The following BACE2 variants were observed in gnomAD, a reference collection of about 807,000 sequenced individuals.
BACE2 encodes 56 kDa aspartic-like protease.
BACE2 carries 17 observed loss-of-function variants against 46.2 expected under a neutral mutation model. The ratio of observed to expected loss-of-function variants is 0.37; its 90% CI spans 0.25 to 0.55. The LOEUF is 0.55. Ranked by LOEUF, BACE2 falls within the 20% of genes least tolerant of loss-of-function variation. The pLI, the probability that BACE2 is intolerant of heterozygous loss-of-function variation, is 0.82. For missense variants in BACE2, 595 were observed against 698.1 expected (o/e 0.85, Z 1.66); for synonymous variants, 277 against 295.9 (o/e 0.94, Z 0.66).
intron 1 of BACE2, among the ~76,000 whole-genome samples, chr21:41,216,465 C>T (rs1183844972): frequency 1.3e-5 from 2 of 152,214 alleles, no homozygotes; most frequent in Non-Finnish European, 2.9e-5. Context: ...GTGCTGAATG[C>T]CTGGGCAATG....
At chr21:41,269,865 A>G (rs1458287669) in intron 8 of BACE2, among the ~76,000 whole-genome samples, 1 of 152,246 alleles carries the variant, frequency 6.6e-6, no homozygotes, top group Non-Finnish European at 1.5e-5. Flanking sequence ...ACCTAGGAGT[A>G]GAATCGTTGA....
chr21:41,256,937 G>A lies in BACE2; in HGVS notation c.1135-221G>A, dbSNP rs1394742760. ...GTGCACCTGTGTGTAACTCCAGGTG[G>A]TGCATGTGGGTCACCTGTGCTGTCA... On this transcript the variant is annotated intron_variant, in intron 7 of 8. Coordinates refer to ENST00000330333, the MANE Select transcript of BACE2 (RefSeq NM_012105.5). Among the ~76,000 whole-genome samples, 4 of 152,260 alleles carry A rather than the reference G, an allele frequency of 2.6e-5. No individual in the cohort carries two copies. The East Asian group carries it at 7.7e-4, about 29-fold the overall frequency.
At position 41,226,392 on chromosome 21, in the gene BACE2, G is replaced by A. The variant is rs1457541595; in HGVS notation, c.401+38G>A. On this transcript the variant is annotated intron_variant, in intron 2 of 8. Coordinates refer to ENST00000330333, the MANE Select transcript of BACE2 (RefSeq NM_012105.5). ...CCCTTGGCTGGTGTGCTGGGCCGGGGCACTGCATGATCAACATGCTTCAAA... is the reference window on the plus strand; with the variant it reads ...CCCTTGGCTGGTGTGCTGGGCCGGGACACTGCATGATCAACATGCTTCAAA... 2.6e-6 allele frequency: 4 copies of A among 1,557,890 alleles called. No homozygotes were observed. In the Admixed American group the frequency reaches 5.5e-5, roughly 21 times the overall value.
At chr21:41,253,042 C>T (rs1987684263) in intron 7 of BACE2, among the ~76,000 whole-genome samples, 1 of 152,222 alleles carries the variant, frequency 6.6e-6, no homozygotes, top group African/African-American at 2.4e-5. Context: ...AACAATAATA[C>T]CTACCAAAGA....
chr21:41,170,306 A>G (rs1348816694), intron 1 of BACE2, among the ~76,000 whole-genome samples: 1 of 152,200 alleles, frequency 6.6e-6, no homozygotes. Context: ...TAATTTAATT[A>G]ACAGAAATGT....
intron 1 of BACE2, among the ~76,000 whole-genome samples, chr21:41,199,372 G>A (rs902111668): frequency 2.0e-5 from 3 of 152,060 alleles, no homozygotes; most frequent in African/African-American, 7.2e-5. Flanking sequence ...TGGCGAGGAG[G>A]AAGAACTGAG....
rs535086227 is a variant in BACE2, at chr21:41,218,880, T to TGTG, written c.313-7386_313-7385insGTG. Among the ~76,000 whole-genome samples the TGTG allele has an allele frequency of 4.6e-3, 697 of 151,982 alleles. 7 individuals carry two copies. The highest frequency in any genetic ancestry group is 0.016 in the African/African-American group (664 of 41,394). On this transcript the variant is annotated intron_variant, in intron 1 of 8. Transcript: ENST00000330333. ...TCCAAACATCTTGACTTTTTTTTTT[T>TGTG]TGTGACAGAGTCTCGCTCTGTCACC... is the stretch of plus-strand genomic sequence containing the variant.
At chr21:41,227,898 C>T (rs1279406789) in intron 2 of BACE2, among the ~76,000 whole-genome samples, 1 of 152,122 alleles carries the variant, frequency 6.6e-6, no homozygotes, top group Non-Finnish European at 1.5e-5. Context: ...TCATCCAAGT[C>T]CTCAGTCCCC....
At chr21:41,168,828 C>T (rs1984479787) in intron 1 of BACE2, among the ~76,000 whole-genome samples, 3 of 152,108 alleles carry the variant, frequency 2.0e-5, no homozygotes, top group Non-Finnish European at 4.4e-5. Flanking sequence ...TGAGCTCCCC[C>T]TCCGCGGGGC....
At chr21:41,265,515 G>C (rs1376903174) in intron 8 of BACE2, among the ~76,000 whole-genome samples, 1 of 152,086 alleles carries the variant, frequency 6.6e-6, no homozygotes, top group Admixed American at 6.6e-5. Flanking sequence ...GGTGAAAAAT[G>C]ATGATCTCGG....
intron 2 of BACE2, among the ~76,000 whole-genome samples, chr21:41,227,416 C>T (rs567484978): frequency 2.6e-5 from 4 of 152,200 alleles, no homozygotes; most frequent in Admixed American, 6.5e-5. Context: ...TAGTTGGGGA[C>T]AAAAGGAGGG....
rs928449723 is a variant in BACE2, at chr21:41,251,037, T to C, written c.1134+136T>C. On this transcript the variant is annotated intron_variant, in intron 7 of 8. Coordinates refer to ENST00000330333, the MANE Select transcript of BACE2 (RefSeq NM_012105.5). Reference sequence around the variant, plus strand: ...TAATGCTGCAAAAGACAGCCACACATATTACTGCTCCTGAGTCCAGGCAGG... The same window carrying C: ...TAATGCTGCAAAAGACAGCCACACACATTACTGCTCCTGAGTCCAGGCAGG... 4.0e-5 allele frequency: 37 copies of C among 932,324 alleles called. No individual in the cohort carries two copies. The Admixed American group carries it at 7.3e-4, about 18-fold the overall frequency. 57.8% of individuals were successfully genotyped at this position (932,324 alleles called of 1,614,324 possible). A position where few individuals can be genotyped will look rare whatever the true frequency, so the allele number is the denominator to read the frequency against.
rs375029715 is a variant in BACE2 at position 41,266,153 on chromosome 21, CTTCT to C, written c.1303+8833_1303+8836del. 2.8e-4 allele frequency among the ~76,000 whole-genome samples: 43 copies of C among 152,110 alleles called. 2 individuals carry two copies. In the East Asian group the frequency reaches 6.8e-3, roughly 24 times the overall value. ...TATTCTTTTTTCAGAATTTCCAACT[CTTCT>C]TTCTTAATTTTTCTTTTCTTTTATG... On this transcript the variant is annotated intron_variant, in intron 8 of 8. Coordinates refer to ENST00000330333, the MANE Select transcript of BACE2 (RefSeq NM_012105.5).
chr21:41,213,034 T>A (rs1986347419), intron 1 of BACE2, among the ~76,000 whole-genome samples: 1 of 152,222 alleles, frequency 6.6e-6, no homozygotes, highest in African/African-American at 2.4e-5. Context: ...TTTGTTGACC[T>A]AATTGGCATT....
At chr21:41,248,474 C>T (rs73902974) in intron 6 of BACE2, among the ~76,000 whole-genome samples, 254 of 152,304 alleles carry the variant, frequency 1.7e-3, no homozygotes, top group African/African-American at 5.7e-3. Context: ...CCCCGTGTCC[C>T]GCTGCAGACC....
chr21:41,257,253 GGTGAT>G lies in BACE2; in HGVS notation c.1232_1236del (p.Val411GlyfsTer31). The stretch of plus-strand genomic sequence containing the variant: ...CAAATGCGCTGGTGATCGGTGCCAC[GGTGAT>G]GGAGGGCTTCTACGTCATCTTCGAC... On this transcript the variant is annotated frameshift_variant, in exon 8 of 9. Coordinates refer to ENST00000330333, the MANE Select transcript of BACE2 (RefSeq NM_012105.5). LOFTEE classifies it high-confidence loss of function. 6.2e-7 allele frequency: 1 copy of G among 1,614,200 alleles called. No homozygotes were observed. The highest frequency in any genetic ancestry group is 8.5e-7 in the Non-Finnish European group (1 of 1,180,036).
At chr21:41,182,372 T>C (rs1039044344) in intron 1 of BACE2, 1 of 167,080 alleles carries the variant, frequency 6.0e-6, no homozygotes, top group African/African-American at 2.4e-5. Flanking sequence ...TTGTAATTGA[T>C]TCTTGGGGTA....
chr21:41,209,849 A>G (rs901107518), intron 1 of BACE2, among the ~76,000 whole-genome samples: 2 of 152,188 alleles, frequency 1.3e-5, no homozygotes, highest in African/African-American at 4.8e-5. Context: ...TGTGAATGTT[A>G]TGAAAGGACA....
chr21:41,209,223 G>A (rs376797272), intron 1 of BACE2, among the ~76,000 whole-genome samples: 36 of 152,296 alleles, frequency 2.4e-4, no homozygotes, highest in African/African-American at 7.9e-4. Flanking sequence ...AGGTGCCTGC[G>A]CCTTCTGGGG....
Sources: gnomAD v4.1 joint callset for allele counts (sites outside exome capture counted in the v4.1 genomes callset) on GRCh38, gnomAD v4.1.1 for gene constraint, MANE v1.5 for transcripts, NCBI Gene and HGNC (gene_info 2026-07-23, HGNC 2026-07-21) for gene names.